The following IFT56 variants were observed in gnomAD, a reference collection of about 807,000 sequenced individuals.
IFT56 encodes the protein intraflagellar transport protein 56.
chr7:139,182,311 G>A, the IFT56 span, among the ~76,000 whole-genome samples: 1 of 151,514 alleles, frequency 6.6e-6, no homozygotes, highest in Admixed American at 6.6e-5. Context: ...AAAGTGAATC[G>A]TTACCAAAAA....
chr7:139,166,983 AT>A, the IFT56 span: 1 of 826,200 alleles, frequency 1.2e-6, no homozygotes. Flanking sequence ...ATTAGAGAAG[AT>A]TAGGCAGACT....
At chr7:139,166,712 G>C in the IFT56 span, 1 of 528,038 alleles carries the variant, frequency 1.9e-6, no homozygotes, top group Non-Finnish European at 3.5e-6. Flanking sequence ...TGGAGAGTTA[G>C]AAGACAGATA....
At chr7:139,174,185 T>C in the IFT56 span, 1 of 593,810 alleles carries the variant, frequency 1.7e-6, no homozygotes, top group Non-Finnish European at 3.3e-6. Flanking sequence ...TTATCCCAGC[T>C]TCTGTTCCAG....
the IFT56 span, among the ~76,000 whole-genome samples, chr7:139,138,804 G>A: frequency 2.0e-5 from 3 of 147,898 alleles, no homozygotes; most frequent in African/African-American, 7.7e-5. Flanking sequence ...ATGGGATTAT[G>A]GATTTACTTT....
At chr7:139,176,327 T>A in the IFT56 span, among the ~76,000 whole-genome samples, 3 of 152,084 alleles carry the variant, frequency 2.0e-5, no homozygotes, top group Non-Finnish European at 4.4e-5. Context: ...CCATATGCAG[T>A]ATGGATATAT....
chr7:139,185,972 A>C, the IFT56 span, among the ~76,000 whole-genome samples: 4 of 152,084 alleles, frequency 2.6e-5, no homozygotes, highest in Non-Finnish European at 5.9e-5. Context: ...TATGAAGTAC[A>C]GAATAAGGCT....
At chr7:139,176,671 T>C in the IFT56 span, among the ~76,000 whole-genome samples, 1 of 152,238 alleles carries the variant, frequency 6.6e-6, no homozygotes, top group East Asian at 1.9e-4. Context: ...TGAGTAACAG[T>C]GTTCATGCTG....
the IFT56 span, chr7:139,134,633 G>A: frequency 4.7e-5 from 75 of 1,595,278 alleles, no homozygotes; most frequent in Admixed American, 2.4e-4. Context: ...GGACCATACA[G>A]CTGTCTTTGT....
the IFT56 span, chr7:139,189,331 C>T: frequency 3.7e-6 from 6 of 1,607,230 alleles, no homozygotes; most frequent in Non-Finnish European, 5.1e-6. Context: ...AGAGACCCTT[C>T]GAGAAGTGCT....
the IFT56 span, among the ~76,000 whole-genome samples, chr7:139,177,227 A>AGT: frequency 6.6e-5 from 10 of 151,022 alleles, no homozygotes; most frequent in Non-Finnish European, 1.0e-4. Flanking sequence ...ATATATGTAT[A>AGT]GTGTGTGTGT....
chr7:139,163,175 T>G, the IFT56 span, among the ~76,000 whole-genome samples: 1 of 151,662 alleles, frequency 6.6e-6, no homozygotes. Flanking sequence ...AAACCCCGTC[T>G]CTACCAAAAT....
chr7:139,150,975 A>G, the IFT56 span, among the ~76,000 whole-genome samples: 2 of 152,226 alleles, frequency 1.3e-5, no homozygotes, highest in Admixed American at 6.5e-5. Context: ...ATTATCTTCA[A>G]TCTAAACAAG....
At chr7:139,186,041 A>G in the IFT56 span, among the ~76,000 whole-genome samples, 2 of 152,188 alleles carry the variant, frequency 1.3e-5, no homozygotes, top group East Asian at 3.9e-4. Flanking sequence ...TCTGTCAGGA[A>G]TAAAGAAGTA....
chr7:139,174,911 C>A, the IFT56 span, among the ~76,000 whole-genome samples: 1 of 152,022 alleles, frequency 6.6e-6, no homozygotes, highest in African/African-American at 2.4e-5. Context: ...ATCCCAGCTA[C>A]TCAGGAGACT....
At chr7:139,191,400 T>C in the IFT56 span, 3 of 152,206 alleles carry the variant, frequency 2.0e-5, no homozygotes, top group Non-Finnish European at 4.4e-5. Context: ...GGAAACACAG[T>C]AATAGAAAAG....
chr7:139,142,334 T>C, the IFT56 span: 2 of 1,594,514 alleles, frequency 1.3e-6, no homozygotes, highest in Admixed American at 3.4e-5. Flanking sequence ...CACATTTTTT[T>C]GTTTTAAAAA....
the IFT56 span, chr7:139,142,340 A>G: frequency 6.3e-7 from 1 of 1,577,764 alleles, no homozygotes; most frequent in African/African-American, 1.4e-5. Context: ...TTTTTGTTTT[A>G]AAAATATTTT....
chr7:139,168,880 C>A, the IFT56 span, among the ~76,000 whole-genome samples: 1 of 152,038 alleles, frequency 6.6e-6, no homozygotes, highest in African/African-American at 2.4e-5. Context: ...ACAAATAAAT[C>A]TTTTTATCTC....
At chr7:139,167,254 A>G in the IFT56 span, among the ~76,000 whole-genome samples, 1 of 152,166 alleles carries the variant, frequency 6.6e-6, no homozygotes, top group African/African-American at 2.4e-5. Flanking sequence ...TTTCTTCCCC[A>G]TTGGATCGTT....
Sources: gnomAD v4.1 joint callset for allele counts (sites outside exome capture counted in the v4.1 genomes callset) on GRCh38, gnomAD v4.1.1 for gene constraint, MANE v1.5 for transcripts, NCBI Gene and HGNC (gene_info 2026-07-23, HGNC 2026-07-21) for gene names.